Variants in GPR160 observed in about 807,000 individuals in gnomAD.
GPR160 encodes G protein-coupled receptor 160, also known as probable G protein-coupled receptor 160.
A neutral mutation model predicts 2.6 loss-of-function variants in GPR160; 2 were observed. The observed-to-expected ratio is 0.77, with a 90% CI of 0.32 to 2.44. The LOEUF is 2.44. Among genes scored for constraint, GPR160 ranks in the 30% most tolerant of loss-of-function variants. The pLI is 0.11. For missense variants in GPR160, 351 were observed against 383.6 expected, an observed-to-expected ratio of 0.91 and a Z score of 0.71; for synonymous variants, 130 against 132.2, an observed-to-expected ratio of 0.98 and a Z score of 0.12.
chr3:170,062,776 C>T (rs955741142), intron 2 of GPR160: 7 of 780,286 alleles, frequency 9.0e-6, no homozygotes, highest in Middle Eastern at 3.9e-4. Flanking sequence ...AAGGGCAAAG[C>T]GGAGCTGCAA....
intron 2 of GPR160, among the ~76,000 whole-genome samples, chr3:170,044,969 G>A (rs993914719): frequency 1.1e-4 from 16 of 152,240 alleles, no homozygotes; most frequent in African/African-American, 3.9e-4. Flanking sequence ...TGAAACTTTC[G>A]GTTAAGGGTC....
At chr3:170,064,098 T>TG (rs35627980) in intron 2 of GPR160, among the ~76,000 whole-genome samples, 99 of 146,988 alleles carry the variant, frequency 6.7e-4, no homozygotes, top group East Asian at 3.1e-3. Context: ...CTGTATTTTT[T>TG]TGGGGGGGGC....
At position 170,084,504 on chromosome 3, in the gene GPR160, G is replaced by A; in HGVS notation, c.532G>A (p.Val178Ile). The A allele has an allele frequency of 3.1e-6, 5 of 1,613,442 alleles. No homozygotes were observed. The highest frequency in any genetic ancestry group is 4.2e-6 in the Non-Finnish European group (5 of 1,179,446). The change falls in exon 4 of 4, where the codon GTC becomes ATC. Residue 178 changes from valine to isoleucine, a missense_variant. Physicochemically the swap from Val to Ile is conservative, Grantham distance 29. Transcript: ENST00000355897. ...TTATTCTCGTCACTGTCCTTTCTAT[G>A]TCAGCATTCAGAGTTACTGGCTGTC... ...NAYSRHCPFY[V>I]SIQSYWLSFF...
chr3:170,046,109 G>A (rs1716709375), intron 2 of GPR160, among the ~76,000 whole-genome samples: 1 of 152,172 alleles, frequency 6.6e-6, no homozygotes, highest in African/African-American at 2.4e-5. Flanking sequence ...CATAATGTTA[G>A]AAGAAAGACC....
At chr3:170,078,759 G>A (rs1200664890) in intron 2 of GPR160, among the ~76,000 whole-genome samples, 4 of 152,100 alleles carry the variant, frequency 2.6e-5, no homozygotes, top group Non-Finnish European at 1.5e-5. Context: ...TAACTACTGC[G>A]CCTGTCAAAC....
chr3:170,062,951 G>A (rs901903217), intron 2 of GPR160: 2 of 301,482 alleles, frequency 6.6e-6, no homozygotes, highest in African/African-American at 2.2e-5. Flanking sequence ...GATCACCGAC[G>A]CCACGGGACC....
intron 2 of GPR160, among the ~76,000 whole-genome samples, chr3:170,068,602 CATT>C (rs1323445037): frequency 6.6e-6 from 1 of 152,194 alleles, no homozygotes; most frequent in Admixed American, 6.5e-5. Context: ...ATTTCCCAAA[CATT>C]ATTTTCCAAC....
intron 2 of GPR160, among the ~76,000 whole-genome samples, chr3:170,048,396 G>C (rs1442935853): frequency 6.6e-6 from 1 of 152,088 alleles, no homozygotes; most frequent in African/African-American, 2.4e-5. Flanking sequence ...AAACCCACTT[G>C]TACACCTAAA....
intron 2 of GPR160, among the ~76,000 whole-genome samples, chr3:170,042,655 C>A (rs1464287507): frequency 6.8e-6 from 1 of 146,242 alleles, no homozygotes; most frequent in African/African-American, 2.5e-5. Context: ...TAGTGAGGCC[C>A]CCATCTCTAC....
rs1201716517 is a variant in GPR160, at chr3:170,042,675, AAAT to A, written c.-193+3635_-193+3637del. On this transcript the variant is annotated intron_variant, in intron 2 of 3. Coordinates refer to ENST00000355897, the MANE Select transcript of GPR160 (RefSeq NM_014373.3). The stretch of plus-strand genomic sequence containing the variant: ...AGGCCCCCATCTCTACAAAAAAAAA[AAAT>A]AAATAAATAATAATAATAATAATAA... Among the ~76,000 whole-genome samples, 5 of 146,616 alleles carry A rather than the reference AAAT, an allele frequency of 3.4e-5. No homozygotes were observed. The East Asian group carries it at 5.9e-4, about 17-fold the overall frequency.
chr3:170,048,971 A>C (rs941588793), intron 2 of GPR160, among the ~76,000 whole-genome samples: 1 of 151,850 alleles, frequency 6.6e-6, no homozygotes, highest in African/African-American at 2.4e-5. Flanking sequence ...CCACCACCTT[A>C]CCAGTCACGG....
At chr3:170,061,532 A>G (rs1218942219) in intron 2 of GPR160, among the ~76,000 whole-genome samples, 1 of 152,092 alleles carries the variant, frequency 6.6e-6, no homozygotes, top group East Asian at 1.9e-4. Context: ...TAAATACTAT[A>G]TAATTTGATT....
intron 2 of GPR160, among the ~76,000 whole-genome samples, chr3:170,071,446 C>T (rs76146592): frequency 0.11 from 16,613 of 152,206 alleles, 971 homozygotes; most frequent in Middle Eastern, 0.16. Context: ...AGAAGCCGAG[C>T]AGATGCCAGC....
At chr3:170,073,030 T>A (rs1712679077) in intron 2 of GPR160, among the ~76,000 whole-genome samples, 1 of 151,748 alleles carries the variant, frequency 6.6e-6, no homozygotes, top group African/African-American at 2.4e-5. Context: ...AATAAAAAAT[T>A]TTAAAAACTT....
chr3:170,059,270 G>A (rs1425554298), intron 2 of GPR160, among the ~76,000 whole-genome samples: 1 of 152,104 alleles, frequency 6.6e-6, no homozygotes, highest in East Asian at 1.9e-4. Flanking sequence ...AGGAAATCCT[G>A]TCATTGAATA....
At chr3:170,065,469 A>G (rs1182143015) in intron 2 of GPR160, among the ~76,000 whole-genome samples, 1 of 152,204 alleles carries the variant, frequency 6.6e-6, no homozygotes, top group Non-Finnish European at 1.5e-5. Flanking sequence ...TGTACTCTAC[A>G]TGGTTTTTCT....
At chr3:170,054,537 T>C (rs1208988259) in intron 2 of GPR160, among the ~76,000 whole-genome samples, 2 of 152,180 alleles carry the variant, frequency 1.3e-5, no homozygotes, top group African/African-American at 2.4e-5. Flanking sequence ...TTCACATTGT[T>C]GAGCAACTGA....
intron 2 of GPR160, among the ~76,000 whole-genome samples, chr3:170,079,047 C>T (rs919188161): frequency 4.1e-4 from 62 of 152,288 alleles, no homozygotes; most frequent in African/African-American, 1.3e-3. Context: ...TTTGATCATC[C>T]GCATGCATTA....
chr3:170,064,961 C>T (rs1159626856), intron 2 of GPR160, among the ~76,000 whole-genome samples: 2 of 152,158 alleles, frequency 1.3e-5, no homozygotes, highest in East Asian at 1.9e-4. Flanking sequence ...CTGGGCCTCA[C>T]AACGGTGCTA....
Sources: allele counts gnomAD v4.1 joint callset (sites outside exome capture counted in the v4.1 genomes callset), GRCh38; gene constraint gnomAD v4.1.1; transcripts MANE v1.5; gene names NCBI Gene and HGNC (gene_info 2026-07-23, HGNC 2026-07-21).